Variants in TASOR2 observed in about 807,000 individuals in gnomAD.
TASOR2 encodes the protein transcription activation suppressor family member 2, also known as protein TASOR 2.
Under a neutral mutation model 199.5 loss-of-function variants are expected in TASOR2, and 84 were observed. That is an observed-to-expected ratio of 0.42 (90% CI 0.35 to 0.50). TASOR2 has a LOEUF of 0.50. Among genes scored for constraint, TASOR2 ranks in the 20% least tolerant of loss-of-function variants. TASOR2 has a pLI of 0.02. For synonymous variants in TASOR2, 1,103 were observed against 1,046.6 expected (o/e 1.05, Z -1.04); for missense variants, 2,796 against 2,835.9 (o/e 0.99, Z 0.32).
intron 1 of TASOR2, chr10:5,712,261 T>G (rs1320733407): frequency 3.4e-6 from 2 of 581,144 alleles, no homozygotes; most frequent in Non-Finnish European, 5.1e-6. Flanking sequence ...TAAATTTTGT[T>G]AAGACAGTAC....
chr10:5,758,875 ATTGTT>A lies in TASOR2; in HGVS notation c.6887-7_6887-3del. The A allele has an allele frequency of 6.3e-7, 1 of 1,577,448 alleles. No homozygotes were observed. On this transcript the variant is annotated splice_region_variant and splice_polypyrimidine_tract_variant and intron_variant, in intron 17 of 20. Transcript: ENST00000328090. ...CTTGTCATCTTCTTTTGCTACATTT[ATTGTT>A]TTGTAGTTCAACTGAAGGAAATTAT...
chr10:5,759,549 C>T (rs986063046), intron 18 of TASOR2, among the ~76,000 whole-genome samples: 2 of 152,188 alleles, frequency 1.3e-5, no homozygotes, highest in East Asian at 3.8e-4. Context: ...CCTGACAAGC[C>T]CTTGTGAAAT....
chr10:5,695,617 A>G (rs573097031), intron 1 of TASOR2, among the ~76,000 whole-genome samples: 2 of 152,352 alleles, frequency 1.3e-5, no homozygotes, highest in East Asian at 3.9e-4. Flanking sequence ...TTAGTCTAAC[A>G]TGTTCAATTG....
chr10:5,716,248 A>G (rs941061914), intron 2 of TASOR2, among the ~76,000 whole-genome samples: 32 of 152,182 alleles, frequency 2.1e-4, no homozygotes, highest in African/African-American at 7.2e-4. Flanking sequence ...TGGCCATACC[A>G]TATTTTCTTT....
At chr10:5,726,258 C>T (rs1486130557) in intron 8 of TASOR2, among the ~76,000 whole-genome samples, 2 of 152,160 alleles carry the variant, frequency 1.3e-5, no homozygotes, top group South Asian at 2.1e-4. Flanking sequence ...GCCCCAGTTA[C>T]TGAAAGCATT....
intron 1 of TASOR2, among the ~76,000 whole-genome samples, chr10:5,694,859 T>C (rs1836955822): frequency 6.6e-6 from 1 of 152,208 alleles, no homozygotes; most frequent in South Asian, 2.1e-4. Flanking sequence ...TTTTGACCTA[T>C]TAGTATGGTT....
At chr10:5,712,488 T>A in intron 1 of TASOR2, 2 of 1,231,738 alleles carry the variant, frequency 1.6e-6, no homozygotes, top group Non-Finnish European at 2.0e-6. Context: ...CTGAGCATGG[T>A]TTTCAGTACA....
In TASOR2 at chr10:5,720,730, T is replaced by C. The variant is rs1284381506; in HGVS notation, c.27-25T>C. Reference sequence around the variant, plus strand: ...TGTTCCTTTTACTCTTGTAAACATGTTCTTTTTCTTTCTTTTTCTGCTAGA... The same window carrying C: ...TGTTCCTTTTACTCTTGTAAACATGCTCTTTTTCTTTCTTTTTCTGCTAGA... On this transcript the variant is annotated intron_variant, in intron 4 of 20. Coordinates refer to ENST00000328090, the Ensembl canonical transcript of TASOR2. The surrounding 1 kb of genome is among the most constrained non-coding windows in gnomAD (Gnocchi z 5.3). The C allele has an allele frequency of 6.2e-7, 1 of 1,613,774 alleles. No homozygotes were observed. Among genetic ancestry groups the C allele is most frequent in the Admixed American group, 1.7e-5 (1 of 59,996 alleles).
At chr10:5,735,415 G>A (rs771841922) in exon 12 of TASOR2, 2 of 1,614,092 alleles carry the variant, frequency 1.2e-6, no homozygotes, top group Non-Finnish European at 1.7e-6. Flanking sequence ...AAAAGGGCAA[G>A]GAAACAAGAG....
intron 14 of TASOR2, 32 bp from the exon 16 acceptor site, chr10:5,746,147 A>ATTTT: frequency 3.6e-5 from 50 of 1,389,746 alleles, no homozygotes; most frequent in Admixed American, 1.0e-4. Flanking sequence ...TATATGACTG[A>ATTTT]TTTTTTTTTT....
chr10:5,705,829 C>T (rs1325962370), intron 1 of TASOR2, among the ~76,000 whole-genome samples: 2 of 151,898 alleles, frequency 1.3e-5, no homozygotes, highest in Admixed American at 1.3e-4. Context: ...AAATATTTCC[C>T]ATTTCTTAAT....
intron 2 of TASOR2, among the ~76,000 whole-genome samples, chr10:5,713,444 T>C (rs1370231930): frequency 2.0e-5 from 3 of 152,156 alleles, no homozygotes; most frequent in Non-Finnish European, 4.4e-5. Context: ...TCCAAAGATA[T>C]GTATGGCTTC....
chr10:5,763,004 C>CT (rs752071552), intron 20 of TASOR2, 25 bp from the exon 22 acceptor site: 12 of 1,608,386 alleles, frequency 7.5e-6, no homozygotes, highest in African/African-American at 1.3e-5. Flanking sequence ...TTAAGAAGTT[C>CT]TTTATCAATT....
intron 1 of TASOR2, among the ~76,000 whole-genome samples, chr10:5,692,135 A>C (rs1490258488): frequency 8.0e-6 from 1 of 124,376 alleles, no homozygotes; most frequent in Admixed American, 9.3e-5. Context: ...AGATTGTGCC[A>C]CTGCACTCTG....
intron 18 of TASOR2, among the ~76,000 whole-genome samples, chr10:5,760,424 C>T (rs1839636229): frequency 6.6e-6 from 1 of 152,174 alleles, no homozygotes; most frequent in Non-Finnish European, 1.5e-5. Context: ...GAAAACTCTT[C>T]ATATCCTTTG....
chr10:5,720,412 G>A lies in TASOR2; in HGVS notation c.-99-132G>A, dbSNP rs1427598744. 1.4e-6 allele frequency: 2 copies of A among 1,390,950 alleles called. No individual in the cohort carries two copies. Among genetic ancestry groups the A allele is most frequent in the African/African-American group, 2.9e-5 (2 of 68,918 alleles). 86.2% of individuals were successfully genotyped at this position (1,390,950 alleles called of 1,614,324 possible). ...AACTGAGTCAGGTATAGTTACCTGTGAATGAGTAACACCCAAGATATATTT... is the reference window on the plus strand; with the variant it reads ...AACTGAGTCAGGTATAGTTACCTGTAAATGAGTAACACCCAAGATATATTT... On this transcript the variant is annotated intron_variant, in intron 3 of 20. Coordinates refer to ENST00000328090, the Ensembl canonical transcript of TASOR2. The surrounding 1 kb of genome is among the most constrained non-coding windows in gnomAD (Gnocchi z 5.3).
chr10:5,716,223 G>A (rs570351434), intron 2 of TASOR2, among the ~76,000 whole-genome samples: 130 of 152,250 alleles, frequency 8.5e-4, no homozygotes, highest in Middle Eastern at 6.8e-3. Flanking sequence ...TTATACAATG[G>A]TGTATTCTGT....
exon 15 of TASOR2, chr10:5,747,395 A>G: frequency 6.2e-7 from 1 of 1,614,166 alleles, no homozygotes; most frequent in Non-Finnish European, 8.5e-7. Flanking sequence ...GAAATAGGTG[A>G]ACCGGAAGAG....
rs925863847 is a variant in TASOR2, at chr10:5,752,553, G to T, written c.6606+2526G>T. On this transcript the variant is annotated intron_variant, in intron 15 of 20. Coordinates refer to ENST00000328090, the Ensembl canonical transcript of TASOR2. The surrounding 1 kb of genome is among the most constrained non-coding windows in gnomAD (Gnocchi z 4.4). ...TCCTGCGCTAACTCCAGAATGTCACGTGGCGAGTCCATGGGGGCTGGATTA... is the reference window on the plus strand; with the variant it reads ...TCCTGCGCTAACTCCAGAATGTCACTTGGCGAGTCCATGGGGGCTGGATTA... Among the ~76,000 whole-genome samples the T allele has an allele frequency of 6.6e-6, 1 of 152,202 alleles. No individual in the cohort carries two copies. Among genetic ancestry groups the T allele is most frequent in the African/African-American group, 2.4e-5 (1 of 41,456 alleles).
Sources: gnomAD v4.1 joint callset for allele counts (sites outside exome capture counted in the v4.1 genomes callset) on GRCh38, gnomAD v4.1.1 for gene constraint, Gnocchi (gnomAD v3.1) non-coding constraint, MANE v1.5 for transcripts, NCBI Gene and HGNC (gene_info 2026-07-23, HGNC 2026-07-21) for gene names.